The following EPHA6 variants were observed in gnomAD, a reference collection of about 807,000 sequenced individuals.
EPHA6 encodes ephrin type-A receptor 6.
EPHA6 carries 50 observed loss-of-function variants against 112.0 expected under a neutral mutation model. The ratio of observed to expected loss-of-function variants is 0.45; its 90% confidence interval spans 0.36 to 0.56. EPHA6 has a LOEUF of 0.56. Ranked by LOEUF, EPHA6 falls within the 20% of genes least tolerant of loss-of-function variation. The probability of loss-of-function intolerance (pLI) is 0.00; values close to 1 mark genes in which losing one functional copy is unlikely to be tolerated. For missense variants in EPHA6, 1,280 were observed against 1,417.4 expected, an observed-to-expected ratio of 0.90 and a Z score of 1.56; for synonymous variants, 529 against 490.7, an observed-to-expected ratio of 1.08 and a Z score of -1.03.
intron 3 of EPHA6, among the ~76,000 whole-genome samples, chr3:97,056,571 A>T (rs575175151): frequency 1.1e-4 from 17 of 152,304 alleles, no homozygotes. Context: ...ATAACGCCAG[A>T]AGTAGAAAAA....
chr3:97,373,457 T>C (rs2085179819), intron 5 of EPHA6, among the ~76,000 whole-genome samples: 1 of 152,132 alleles, frequency 6.6e-6, no homozygotes, highest in African/African-American at 2.4e-5. Flanking sequence ...CTAGCTACTG[T>C]GATTACATTC....
chr3:97,274,449 C>T (rs1175518725), intron 5 of EPHA6, among the ~76,000 whole-genome samples: 1 of 152,134 alleles, frequency 6.6e-6, no homozygotes, highest in Admixed American at 6.5e-5. Flanking sequence ...ATTAAACAGG[C>T]ATTAATGATG....
At position 97,749,028 on chromosome 3, in the gene EPHA6, G is replaced by GT. The variant is rs1390893792; in HGVS notation, c.*328dup. The stretch of plus-strand genomic sequence containing the variant: ...ACTTAACCTAAAAAAATTTATCCAG[G>GT]TGGGGCTTCCTTAGTGATGTATGTA... On this transcript the variant is annotated 3_prime_UTR_variant, in exon 18 of 18. Transcript: ENST00000389672. 6.3e-6 allele frequency: 2 copies of GT among 318,860 alleles called. No individual in the cohort carries two copies. The highest frequency in any genetic ancestry group is 4.0e-5 in the African/African-American group (2 of 49,468). The allele number at this position is 318,860 out of a possible 1,614,324, so 19.8% of individuals were successfully genotyped here. A position where few individuals can be genotyped will look rare whatever the true frequency, so the allele number is the denominator to read the frequency against.
In EPHA6 at chr3:97,598,430, C is replaced by A. The variant is rs1468420969; in HGVS notation, c.2512+5693C>A. ...TCCCTCCCCCCTCCCCCCACCCCACCACAGTCCCCAGAGTGTGATATTCCC... is the reference window on the plus strand; with the variant it reads ...TCCCTCCCCCCTCCCCCCACCCCACAACAGTCCCCAGAGTGTGATATTCCC... On this transcript the variant is annotated intron_variant, in intron 12 of 17. Coordinates refer to ENST00000389672, the MANE Select transcript of EPHA6 (RefSeq NM_001080448.3). Among the ~76,000 whole-genome samples the A allele has an allele frequency of 3.3e-3, 398 of 121,142 alleles. 2 individuals carry two copies. Among genetic ancestry groups the A allele is most frequent in the Middle Eastern group, 0.017 (4 of 242 alleles). 79.5% of individuals were successfully genotyped at this position (121,142 alleles called of 152,430 possible). A position where few individuals can be genotyped will look rare whatever the true frequency, so the allele number is the denominator to read the frequency against.
intron 2 of EPHA6, among the ~76,000 whole-genome samples, chr3:96,906,202 G>T (rs62263679): frequency 0.024 from 3,661 of 152,096 alleles, 74 homozygotes; most frequent in Non-Finnish European, 0.037. Context: ...AGAGAAGTAG[G>T]AGACAAGGTA....
chr3:97,718,591 T>G (rs1464145376), intron 14 of EPHA6, among the ~76,000 whole-genome samples: 1 of 152,180 alleles, frequency 6.6e-6, no homozygotes, highest in Non-Finnish European at 1.5e-5. Flanking sequence ...CATGAGTCCC[T>G]TATTTTATCT....
chr3:97,607,242 C>G (rs1384682287), intron 12 of EPHA6, among the ~76,000 whole-genome samples: 1 of 147,616 alleles, frequency 6.8e-6, no homozygotes, highest in Non-Finnish European at 1.5e-5. Flanking sequence ...ACCAGGGTAT[C>G]TATGGAACAT....
chr3:97,590,367 C>T (rs1303256203), intron 11 of EPHA6: 1 of 152,066 alleles, frequency 6.6e-6, no homozygotes, highest in Non-Finnish European at 1.5e-5. Context: ...GCTGTCACAA[C>T]AACAAAAACA....
intron 12 of EPHA6, among the ~76,000 whole-genome samples, chr3:97,598,623 C>T (rs1282732367): frequency 1.3e-5 from 2 of 151,994 alleles, no homozygotes; most frequent in African/African-American, 2.4e-5. Context: ...GCATAGTATT[C>T]CATGGTGTAT....
intron 2 of EPHA6, among the ~76,000 whole-genome samples, chr3:96,957,465 A>G (rs1032731401): frequency 1.3e-5 from 2 of 152,224 alleles, no homozygotes; most frequent in African/African-American, 4.8e-5. Context: ...AAACTTTTCA[A>G]TTTCACAATG....
chr3:97,050,249 A>T (rs955694507), intron 3 of EPHA6, among the ~76,000 whole-genome samples: 4 of 152,162 alleles, frequency 2.6e-5, no homozygotes, highest in African/African-American at 7.2e-5. Flanking sequence ...TCAGGAAAAG[A>T]GAGACACTCT....
chr3:97,404,815 G>A (rs564276989), intron 5 of EPHA6, among the ~76,000 whole-genome samples: 2 of 152,078 alleles, frequency 1.3e-5, no homozygotes, highest in East Asian at 1.9e-4. Context: ...TAAAACATAC[G>A]AGCCAAGTGT....
chr3:97,390,021 G>A (rs972271506), intron 5 of EPHA6, among the ~76,000 whole-genome samples: 2 of 152,028 alleles, frequency 1.3e-5, no homozygotes, highest in African/African-American at 4.8e-5. Context: ...AAAACACAGG[G>A]CTCAGCCAGG....
chr3:97,494,818 C>T (rs2091936589), intron 10 of EPHA6, among the ~76,000 whole-genome samples: 1 of 152,194 alleles, frequency 6.6e-6, no homozygotes, highest in African/African-American at 2.4e-5. Context: ...CATTACCCTT[C>T]AAATAGTTAA....
At chr3:97,196,125 C>T (rs1032662120) in intron 3 of EPHA6, among the ~76,000 whole-genome samples, 21 of 149,256 alleles carry the variant, frequency 1.4e-4, no homozygotes, top group Admixed American at 4.1e-4. Flanking sequence ...TAGATTTGCC[C>T]TTTTGAGGCT....
chr3:97,284,151 A>G (rs182109629), intron 5 of EPHA6, among the ~76,000 whole-genome samples: 2 of 152,220 alleles, frequency 1.3e-5, no homozygotes, highest in African/African-American at 4.8e-5. Context: ...AAAGAAATCT[A>G]TTTAAAGTTT....
intron 5 of EPHA6, among the ~76,000 whole-genome samples, chr3:97,356,955 G>A (rs968137909): frequency 6.6e-6 from 1 of 151,990 alleles, no homozygotes; most frequent in Non-Finnish European, 1.5e-5. Context: ...TATTTTGATG[G>A]TCTGCTGTAA....
At chr3:96,906,934 G>T (rs1235524036) in intron 2 of EPHA6, among the ~76,000 whole-genome samples, 1 of 151,850 alleles carries the variant, frequency 6.6e-6, no homozygotes, top group Non-Finnish European at 1.5e-5. Flanking sequence ...CGAGATAAAT[G>T]ATCTCTGGAA....
At chr3:97,076,875 A>G (rs955311968) in intron 3 of EPHA6, among the ~76,000 whole-genome samples, 1 of 152,100 alleles carries the variant, frequency 6.6e-6, no homozygotes, top group East Asian at 1.9e-4. Context: ...CAGCACATCT[A>G]TTTATAGCAT....
Sources: allele counts gnomAD v4.1 joint callset (sites outside exome capture counted in the v4.1 genomes callset), GRCh38; gene constraint gnomAD v4.1.1; transcripts MANE v1.5; gene names NCBI Gene and HGNC (gene_info 2026-07-23, HGNC 2026-07-21).